MPZL3: variants seen among roughly 807,000 people sequenced by gnomAD.
The protein encoded by MPZL3 is myelin protein zero like 3.
Under a neutral mutation model 24.8 loss-of-function variants are expected in MPZL3, and 23 were observed. The ratio of observed to expected loss-of-function variants is 0.93; its 90% CI spans 0.67 to 1.31. The LOEUF (loss-of-function observed/expected upper bound fraction) is 1.31. MPZL3 is among the 40% of genes most tolerant of loss of function. MPZL3 has a pLI of 0.00. For missense variants in MPZL3, 277 were observed against 294.9 expected (o/e 0.94, Z 0.44); for synonymous variants, 99 against 106.5 (o/e 0.93, Z 0.44).
chr11:118,229,868 C>A lies in MPZL3; in HGVS notation c.*26G>T. The A allele has an allele frequency of 1.9e-6, 3 of 1,612,798 alleles. No homozygotes were observed. The highest frequency in any genetic ancestry group is 2.5e-6 in the Non-Finnish European group (3 of 1,179,176). On this transcript the variant is annotated 3_prime_UTR_variant, in exon 6 of 6. Coordinates refer to ENST00000278949, the MANE Select transcript of MPZL3 (RefSeq NM_198275.3). The stretch of plus-strand genomic sequence containing the variant: ...TGGGATGTTTCCTGTCTTTAGGTGA[C>A]TCTTCTTGTGTCATACAGACTTTCA...
rs191938671 is a variant in MPZL3, at chr11:118,252,279, C to G, written c.16G>C (p.Ala6Pro). The G allele has an allele frequency of 2.5e-6, 4 of 1,614,030 alleles. No homozygotes were observed. Among genetic ancestry groups the G allele is most frequent in the Non-Finnish European group, 3.4e-6 (4 of 1,179,980 alleles). ...AGAGCGCAGCCACGGCTTCCAGCTG[C>G]TCCTCTCTGCTGCATCCCGGCAGCT... MQQRG[A>P]AGSRGCALFP... Residue 6 changes from alanine to proline, a missense_variant, in exon 1 of 6, where the codon GCA becomes CCA. By Grantham distance (27) the Ala-to-Pro change is conservative (BLOSUM62 -1). Coordinates refer to ENST00000278949, the MANE Select transcript of MPZL3 (RefSeq NM_198275.3).
intron 1 of MPZL3, among the ~76,000 whole-genome samples, chr11:118,249,402 C>T (rs1949594406): frequency 6.6e-6 from 1 of 152,036 alleles, no homozygotes; most frequent in South Asian, 2.1e-4. Flanking sequence ...TTTGTCTCTT[C>T]CACTCATAAA....
chr11:118,238,085 C>T (rs1949448565), intron 2 of MPZL3, among the ~76,000 whole-genome samples: 1 of 151,704 alleles, frequency 6.6e-6, no homozygotes, highest in African/African-American at 2.4e-5. Flanking sequence ...TGCAGTGAGC[C>T]GAGATTGTGC....
chr11:118,232,047 A>G (rs1474274701), intron 5 of MPZL3, among the ~76,000 whole-genome samples: 1 of 152,164 alleles, frequency 6.6e-6, no homozygotes, highest in Admixed American at 6.5e-5. Context: ...AAAATCATCT[A>G]TAAGGTTCTG....
chr11:118,235,300 T>C (rs1371600195), intron 4 of MPZL3, 124 bp downstream of exon 4: 6 of 1,213,504 alleles, frequency 4.9e-6, no homozygotes, highest in Non-Finnish European at 6.9e-6. Context: ...CTATTCTCTT[T>C]GAAAAGAAAG....
At chr11:118,232,933 T>C (rs1243760876) in intron 5 of MPZL3, among the ~76,000 whole-genome samples, 1 of 152,084 alleles carries the variant, frequency 6.6e-6, no homozygotes, top group African/African-American at 2.4e-5. Context: ...CTAATTGGAC[T>C]CTCTGATTCT....
rs1023906255 is a variant in MPZL3 at position 118,227,305 on chromosome 11, T to C, written c.*2589A>G. On this transcript the variant is annotated 3_prime_UTR_variant, in exon 6 of 6. Transcript: ENST00000278949. Reference sequence around the variant, plus strand: ...CCTTTCTAAACGAGGCTGGTTTCCATGGCTGTGACAAGAGCTCATGAGGTA... The same window carrying C: ...CCTTTCTAAACGAGGCTGGTTTCCACGGCTGTGACAAGAGCTCATGAGGTA... 2.0e-5 allele frequency: 3 copies of C among 152,238 alleles called. No individual in the cohort carries two copies. Among genetic ancestry groups the C allele is most frequent in the African/African-American group, 4.8e-5 (2 of 41,458 alleles). The allele number at this position is 152,238 out of a possible 1,614,324, so 9.4% of individuals were successfully genotyped here. A position where few individuals can be genotyped will look rare whatever the true frequency, so the allele number is the denominator to read the frequency against.
At chr11:118,240,407 T>C (rs1410632363) in intron 1 of MPZL3, 30 bp from the exon 2 acceptor site, 1 of 1,579,682 alleles carries the variant, frequency 6.3e-7, no homozygotes, top group Non-Finnish European at 8.6e-7. Context: ...ACACTTAAAA[T>C]GCATTCATGT....
rs1356768512 is a variant in MPZL3 at position 118,229,825 on chromosome 11, C to A, written c.*69G>T. 10 of 1,536,470 alleles carry A rather than the reference C, an allele frequency of 6.5e-6. No homozygotes were observed. Among genetic ancestry groups the A allele is most frequent in the Non-Finnish European group, 8.1e-6 (9 of 1,111,778 alleles). On this transcript the variant is annotated 3_prime_UTR_variant, in exon 6 of 6. Transcript: ENST00000278949. Reference sequence around the variant, plus strand: ...GGCCAGCTCCACTTTCTCTGACAGGCTTTAGCTGCCAGTGGAATGGGATGT... The same window carrying A: ...GGCCAGCTCCACTTTCTCTGACAGGATTTAGCTGCCAGTGGAATGGGATGT...
chr11:118,245,428 A>C (rs968219113), intron 1 of MPZL3, among the ~76,000 whole-genome samples: 1 of 152,188 alleles, frequency 6.6e-6, no homozygotes, highest in African/African-American at 2.4e-5. Context: ...AAAGAAGGGA[A>C]GTTTGAACTA....
Position 118,252,266 on chromosome 11 carries a change from C to T in MPZL3, c.29G>A (p.Arg10His). The T allele has an allele frequency of 6.2e-7, 1 of 1,614,028 alleles. No individual in the cohort carries two copies. Among genetic ancestry groups the T allele is most frequent in the Non-Finnish European group, 8.5e-7 (1 of 1,179,978 alleles). The change falls in exon 1 of 6, where the codon CGT becomes CAT. Residue 10 changes from arginine (R) to histidine (H), a missense_variant. Arg to His is a conservative substitution (Grantham distance 29). Transcript: ENST00000278949. ...CAGCAGAGGGAAGAGAGCGCAGCCACGGCTTCCAGCTGCTCCTCTCTGCTG... is the reference window on the plus strand; with the variant it reads ...CAGCAGAGGGAAGAGAGCGCAGCCATGGCTTCCAGCTGCTCCTCTCTGCTG... MQQRGAAGS[R>H]GCALFPLLGV...
chr11:118,244,912 T>A (rs1293718472), intron 1 of MPZL3, among the ~76,000 whole-genome samples: 1 of 151,946 alleles, frequency 6.6e-6, no homozygotes, highest in Non-Finnish European at 1.5e-5. Flanking sequence ...CCGTCTCTAC[T>A]AAAAATACAA....
At chr11:118,230,198 G>C (rs929122219) in intron 5 of MPZL3, among the ~76,000 whole-genome samples, 1 of 152,028 alleles carries the variant, frequency 6.6e-6, no homozygotes, top group Non-Finnish European at 1.5e-5. Flanking sequence ...CCCGCCTACC[G>C]CACCCTTTCT....
intron 2 of MPZL3, among the ~76,000 whole-genome samples, chr11:118,237,597 G>C (rs548279533): frequency 6.6e-6 from 1 of 152,000 alleles, no homozygotes; most frequent in Non-Finnish European, 1.5e-5. Context: ...AGATGCTACC[G>C]GCATCTAGTG....
rs1438042211 is a variant in MPZL3, at chr11:118,227,434, A to G, written c.*2460T>C. The G allele has an allele frequency of 1.3e-5, 2 of 152,226 alleles. No individual in the cohort carries two copies. Among genetic ancestry groups the G allele is most frequent in the Non-Finnish European group, 2.9e-5 (2 of 68,048 alleles). 9.4% of individuals were successfully genotyped at this position (152,226 alleles called of 1,614,324 possible). ...CTTTATCTTCCTTTCATCCTTAAAG[A>G]AGGCAGGTGTCTGTACACTGCTTTG... is the stretch of plus-strand genomic sequence containing the variant. On this transcript the variant is annotated 3_prime_UTR_variant, in exon 6 of 6. Transcript: ENST00000278949.
At chr11:118,230,431 G>C (rs1230588391) in intron 5 of MPZL3, among the ~76,000 whole-genome samples, 1 of 152,138 alleles carries the variant, frequency 6.6e-6, no homozygotes, top group Non-Finnish European at 1.5e-5. Flanking sequence ...GAACTGTTAT[G>C]AGAATTGAAT....
intron 1 of MPZL3, 74 bp downstream of exon 1, chr11:118,252,147 AC>A (rs1330170011): frequency 6.6e-7 from 1 of 1,514,402 alleles, no homozygotes; most frequent in East Asian, 2.3e-5. Flanking sequence ...AGACCCCCCT[AC>A]CCGGAACCGG....
At chr11:118,231,987 C>G (rs1442674812) in intron 5 of MPZL3, among the ~76,000 whole-genome samples, 3 of 152,210 alleles carry the variant, frequency 2.0e-5, no homozygotes, top group Non-Finnish European at 4.4e-5. Flanking sequence ...TGCTTCTCTT[C>G]CCAAACCCTC....
At chr11:118,247,301 GCTGACT>G (rs1949567292) in intron 1 of MPZL3, among the ~76,000 whole-genome samples, 1 of 152,200 alleles carries the variant, frequency 6.6e-6, no homozygotes, top group Non-Finnish European at 1.5e-5. Flanking sequence ...GCCAGCTGAG[GCTGACT>G]CAGATTTACC....
Sources: allele counts gnomAD v4.1 joint callset (sites outside exome capture counted in the v4.1 genomes callset), GRCh38; gene constraint gnomAD v4.1.1; transcripts MANE v1.5; gene names NCBI Gene and HGNC (gene_info 2026-07-23, HGNC 2026-07-21).